PRSS36: variants seen among roughly 807,000 people sequenced by gnomAD.
PRSS36 encodes the protein serine protease 36, also known as polyserase-2.
PRSS36 carries 90 observed loss-of-function variants against 94.3 expected under a neutral mutation model. The ratio of observed to expected loss-of-function variants is 0.95; its 90% CI spans 0.80 to 1.14. The LOEUF (loss-of-function observed/expected upper bound fraction) is 1.14, where lower values mean the gene tolerates loss of function less well. PRSS36 is among the 50% of genes most tolerant of loss of function. PRSS36 has a pLI of 0.00. For synonymous variants in PRSS36, 500 were observed against 489.6 expected (o/e 1.02, Z -0.28); for missense variants, 1,158 against 1,135.0 (o/e 1.02, Z -0.29).
intron 3 of PRSS36, 77 bp downstream of exon 3, chr16:31,149,386 G>A: frequency 6.3e-7 from 1 of 1,581,518 alleles, no homozygotes; most frequent in Non-Finnish European, 8.6e-7. Context: ...TACATTTCTG[G>A]TCTTTTCCAC....
chr16:31,148,720 G>A (rs746297636), intron 4 of PRSS36, 45 bp from the exon 5 acceptor site: 4 of 1,605,848 alleles, frequency 2.5e-6, no homozygotes, highest in African/African-American at 2.7e-5. Flanking sequence ...ACCCTATGGA[G>A]GGGGCAGACC....
intron 12 of PRSS36, 38 bp downstream of exon 12, chr16:31,141,431 C>A: frequency 6.4e-7 from 1 of 1,562,254 alleles, no homozygotes; most frequent in Non-Finnish European, 8.7e-7. Context: ...TTCCATTCTC[C>A]CCTCCCGTCT....
intron 10 of PRSS36, among the ~76,000 whole-genome samples, 198 bp from the exon 11 acceptor site, chr16:31,142,158 G>A (rs1363539309): frequency 6.6e-6 from 1 of 152,158 alleles, no homozygotes; most frequent in Non-Finnish European, 1.5e-5. Flanking sequence ...CAGAGATAGA[G>A]AGAAACCATA....
chr16:31,148,733 CG>C, intron 4 of PRSS36, 58 bp from the exon 5 acceptor site: 1 of 1,595,554 alleles, frequency 6.3e-7, no homozygotes, highest in South Asian at 1.1e-5. Context: ...GGCAGACCCT[CG>C]TTGGGGGCAG....
At chr16:31,147,320 G>A (rs2057812532) in intron 5 of PRSS36, among the ~76,000 whole-genome samples, 1 of 152,014 alleles carries the variant, frequency 6.6e-6, no homozygotes, top group South Asian at 2.1e-4. Context: ...TCCCTCTCTG[G>A]GTGCCCATTG....
intron 4 of PRSS36, 99 bp from the exon 5 acceptor site, chr16:31,148,774 C>G: frequency 6.7e-7 from 1 of 1,496,720 alleles, no homozygotes; most frequent in Non-Finnish European, 9.1e-7. Context: ...CAGGTGCTAT[C>G]CGATCCAGAT....
In PRSS36 at chr16:31,143,467, G is replaced by C; in HGVS notation, c.975C>G (p.Cys325Trp). 1 of 1,607,404 alleles carries C rather than the reference G, an allele frequency of 6.2e-7. No individual in the cohort carries two copies. The highest frequency in any genetic ancestry group is 8.5e-7 in the Non-Finnish European group (1 of 1,176,870). ...EENCTIALPE[C>W]GKAPRPGAWP... The stretch of plus-strand genomic sequence containing the variant: ...AGGCCCCTGGCCGCGGGGCCTTCCC[G>C]CACTCTGAGGGGTGAGAGGCCTGGG... The change falls in exon 8 of 15, where the codon TGC (cysteine) becomes TGG (tryptophan). Residue 325 changes from cysteine to tryptophan, a missense_variant. Coordinates refer to ENST00000268281, the MANE Select transcript of PRSS36 (RefSeq NM_173502.5).
At chr16:31,149,608 C>G in intron 2 of PRSS36, 88 bp downstream of exon 2, 1 of 1,608,020 alleles carries the variant, frequency 6.2e-7, no homozygotes, top group Non-Finnish European at 8.5e-7. Flanking sequence ...ACTTCCCTGT[C>G]CGTTCAGCAA....
chr16:31,146,003 C>T (rs778459586), intron 5 of PRSS36, 48 bp from the exon 6 acceptor site: 2 of 1,544,398 alleles, frequency 1.3e-6, no homozygotes, highest in African/African-American at 2.8e-5. Context: ...GTATGGCATC[C>T]CCAGTTCCCA....
At chr16:31,143,861 A>C (rs753032119) in intron 6 of PRSS36, 24 bp from the exon 7 acceptor site, 3 of 1,612,076 alleles carry the variant, frequency 1.9e-6, no homozygotes, top group Non-Finnish European at 2.5e-6. Flanking sequence ...ACTGCATGTC[A>C]AGGGGTCAGC....
At chr16:31,148,249 C>T (rs770422469) in intron 5 of PRSS36, 146 bp downstream of exon 5, 90 of 857,416 alleles carry the variant, frequency 1.0e-4, no homozygotes, top group Non-Finnish European at 1.4e-4. Flanking sequence ...GTGTGGGATT[C>T]ATCCACCGAC....
Position 31,145,842 on chromosome 16 carries a change from A to C in PRSS36, c.667T>G (p.Leu223Val), listed in dbSNP as rs1476203004. The stretch of plus-strand genomic sequence containing the variant: ...TAGCCAGCACACAGCATCCCTGGCA[A>C]TATCTGGAGAGTGAGGTTGAAGGGA... ...PGPFNLTLQI[L>V]PGMLCAGYPE... is the part of the protein sequence containing the mutation. The change falls in exon 6 of 15, where the codon TTG becomes GTG. Residue 223 changes from leucine (L) to valine (V), a missense_variant. Physicochemically the swap from Leu to Val is conservative, Grantham distance 32 (BLOSUM62 1). Transcript: ENST00000268281. The C allele has an allele frequency of 6.2e-7, 1 of 1,614,068 alleles. No homozygotes were observed. The highest frequency in any genetic ancestry group is 8.5e-7 in the Non-Finnish European group (1 of 1,180,014).
Position 31,139,029 on chromosome 16 carries a change from C to T in PRSS36, c.*109G>A. 1.5e-6 allele frequency: 2 copies of T among 1,320,884 alleles called. No homozygotes were observed. The highest frequency in any genetic ancestry group is 2.1e-6 in the Non-Finnish European group (2 of 964,658). 81.8% of individuals were successfully genotyped at this position (1,320,884 alleles called of 1,614,324 possible). A position where few individuals can be genotyped will look rare whatever the true frequency, so the allele number is the denominator to read the frequency against. ...CCCAATTAGCCAGAGCCGCTGCAATCTCGGTGGGTGGGGCCCTTGAGGTTC... is the reference window on the plus strand; with the variant it reads ...CCCAATTAGCCAGAGCCGCTGCAATTTCGGTGGGTGGGGCCCTTGAGGTTC... On this transcript the variant is annotated 3_prime_UTR_variant, in exon 15 of 15. Transcript: ENST00000268281.
intron 14 of PRSS36, 106 bp from the exon 15 acceptor site, chr16:31,139,522 C>T: frequency 7.5e-7 from 1 of 1,328,544 alleles, no homozygotes; most frequent in Non-Finnish European, 1.0e-6. Flanking sequence ...CATCCCTAGA[C>T]ATCCAGGTCC....
intron 5 of PRSS36, among the ~76,000 whole-genome samples, chr16:31,147,927 GAAATATGT>G (rs1373113575): frequency 6.6e-6 from 1 of 152,138 alleles, no homozygotes; most frequent in African/African-American, 2.4e-5. Flanking sequence ...TACCTGAGGT[GAAATATGT>G]AAAGTGCATT....
rs759032679 is a variant in PRSS36 at position 31,140,414 on chromosome 16, G to A, written c.2169C>T (p.Val723=). The change falls in exon 14 of 15, where the codon GTC becomes GTT. Residue 723 remains valine (V), a splice_region_variant and synonymous_variant. Coordinates refer to ENST00000268281, the MANE Select transcript of PRSS36 (RefSeq NM_173502.5). ...VLGWKEPQDR[V]PVAAAVSILT... ...AGATGGAGACAGCAGCAGCCACAGG[G>A]ACTGGGGAGAGGAGACAAAGTTGTT... 16 of 1,613,418 alleles carry A rather than the reference G, an allele frequency of 9.9e-6. No individual in the cohort carries two copies. In the Admixed American group the frequency reaches 2.7e-4, roughly 27 times the overall value.
Position 31,140,554 on chromosome 16 carries a change from G to C in PRSS36, c.2105C>G (p.Pro702Arg), listed in dbSNP as rs777568973. ...GCTGGCCCCCGGGGGGATACCCGCC[G>C]GGTGGAGACAGATGGGCAGGGCTGA... ...SPSALPICLH[P>R]AGIPPGASCW... Residue 702 changes from proline (P) to arginine (R), a missense_variant, in exon 13 of 15, where the codon CCG (proline) becomes CGG (arginine). By Grantham distance (103) the Pro-to-Arg change is moderately radical. Transcript: ENST00000268281. The C allele has an allele frequency of 6.3e-7, 1 of 1,587,202 alleles. No individual in the cohort carries two copies. The highest frequency in any genetic ancestry group is 8.6e-7 in the Non-Finnish European group (1 of 1,166,308).
At position 31,142,574 on chromosome 16, in the gene PRSS36, G is replaced by T. The variant is rs1337483743; in HGVS notation, c.1428C>A (p.Tyr476Ter). ...GCGGTACTGCCGCCCCCTGGCGGCC[G>T]TACAGGCAGTGGCACCACCAGCCGC... The part of the protein sequence containing the change: ...LLGGWWCHCL[Y>*]GRQGAAVPLP... Residue 476 changes from tyrosine (Y) to a stop codon, truncating the protein, a stop_gained, in exon 10 of 15, where the codon TAC (tyrosine) becomes TAA (stop). Coordinates refer to ENST00000268281, the MANE Select transcript of PRSS36 (RefSeq NM_173502.5). LOFTEE classifies it high-confidence loss of function. 2.6e-6 allele frequency: 4 copies of T among 1,525,110 alleles called. No individual in the cohort carries two copies. The highest frequency in any genetic ancestry group is 3.5e-6 in the Non-Finnish European group (4 of 1,140,466). 94.5% of individuals were successfully genotyped at this position (1,525,110 alleles called of 1,614,324 possible). A position where few individuals can be genotyped will look rare whatever the true frequency, so the allele number is the denominator to read the frequency against.
At chr16:31,143,053 C>CGTGTTTAG in intron 8 of PRSS36, 60 bp from the exon 9 acceptor site, 1 of 1,378,908 alleles carries the variant, frequency 7.3e-7, no homozygotes, top group Non-Finnish European at 9.3e-7. Context: ...GGAAACCTCA[C>CGTGTTTAG]ACCCCGGCTT....
Sources: allele counts gnomAD v4.1 joint callset (sites outside exome capture counted in the v4.1 genomes callset), GRCh38; gene constraint gnomAD v4.1.1; transcripts MANE v1.5; gene names NCBI Gene and HGNC (gene_info 2026-07-23, HGNC 2026-07-21).